KIRREL3: variants seen among roughly 807,000 people sequenced by gnomAD.
KIRREL3 encodes the protein kirre like nephrin family adhesion molecule 3, also known as kin of IRRE-like protein 3.
Under a neutral mutation model 89.7 loss-of-function variants are expected in KIRREL3, and 36 were observed. The observed-to-expected ratio is 0.40, with a 90% CI of 0.31 to 0.53. KIRREL3 has a LOEUF of 0.53. Among genes scored for constraint, KIRREL3 ranks in the 20% least tolerant of loss-of-function variants. The pLI, the probability that KIRREL3 is intolerant of heterozygous loss-of-function variation, is 0.49. For synonymous variants in KIRREL3, 445 were observed against 441.4 expected (o/e 1.01, Z -0.10); for missense variants, 864 against 1,056.6 (o/e 0.82, Z 2.53).
chr11:127,000,793 C>G (rs575099645), upstream of KIRREL3: 95 of 483,932 alleles, frequency 2.0e-4, no homozygotes, highest in South Asian at 4.0e-3. This position sits in a 1 kb window ranked among gnomAD's most constrained non-coding sequence, Gnocchi z 7.1. Context: ...CCCAGGCACA[C>G]GGCTTCCTCA....
At chr11:126,449,230 T>A in intron 7 of KIRREL3, 73 bp from the exon 8 acceptor site, 1 of 1,547,480 alleles carries the variant, frequency 6.5e-7, no homozygotes, top group Non-Finnish European at 8.8e-7. Context: ...GACACATCCA[T>A]CCCATGGAAA....
Position 126,724,050 on chromosome 11 carries a change from A to G in KIRREL3, c.56-161138T>C, listed in dbSNP as rs1667249673. 6.6e-6 allele frequency among the ~76,000 whole-genome samples: 1 copy of G among 152,176 alleles called. No individual in the cohort carries two copies. The highest frequency in any genetic ancestry group is 6.5e-5 in the Admixed American group (1 of 15,268). ...AAAAGAGAAATGCTGAGGCTGTTCCATTTGAGCCTTTTTGTCTTGCTTGGC... is the reference window on the plus strand; with the variant it reads ...AAAAGAGAAATGCTGAGGCTGTTCCGTTTGAGCCTTTTTGTCTTGCTTGGC... On this transcript the variant is annotated intron_variant, in intron 1 of 16. Transcript: ENST00000525144. The surrounding 1 kb of genome is among the most constrained non-coding windows in gnomAD (Gnocchi z 4.3).
At chr11:126,738,630 T>A (rs1948882791) in intron 1 of KIRREL3, among the ~76,000 whole-genome samples, 1 of 152,210 alleles carries the variant, frequency 6.6e-6, no homozygotes, top group Admixed American at 6.5e-5. Context: ...TGGTTTCTCA[T>A]CTGCTGAGAA....
intron 7 of KIRREL3, among the ~76,000 whole-genome samples, chr11:126,453,859 C>T (rs1381011589): frequency 1.3e-5 from 2 of 152,140 alleles, no homozygotes; most frequent in African/African-American, 2.4e-5. Context: ...ACTAGTGAGT[C>T]TCTGCAGGGC....
In KIRREL3 at chr11:126,870,057, A is replaced by G. The variant is rs1592254788; in HGVS notation, c.55+130398T>C. 1.3e-5 allele frequency among the ~76,000 whole-genome samples: 2 copies of G among 152,326 alleles called. No homozygotes were observed. Among genetic ancestry groups the G allele is most frequent in the East Asian group, 3.9e-4 (2 of 5,184 alleles). ...CCTAAACAGTCCTCTAATCTTGAGT[A>G]AAGTTCATTGGGCCCATGTACAGCT... On this transcript the variant is annotated intron_variant, in intron 1 of 16. Transcript: ENST00000525144. This position sits in a 1 kb window ranked among gnomAD's most constrained non-coding sequence, Gnocchi z 4.4.
intron 2 of KIRREL3, among the ~76,000 whole-genome samples, chr11:126,533,249 G>A (rs1169537832): frequency 6.6e-6 from 1 of 152,096 alleles, no homozygotes; most frequent in East Asian, 1.9e-4. Context: ...CCACAGCACT[G>A]GCAGTGAGAA....
intron 1 of KIRREL3, among the ~76,000 whole-genome samples, chr11:126,964,216 C>T (rs1384716918): frequency 1.3e-5 from 2 of 152,148 alleles, no homozygotes; most frequent in Admixed American, 6.5e-5. Flanking sequence ...GATTCCAGCC[C>T]AGCTGATAGA....
At position 126,664,236 on chromosome 11, in the gene KIRREL3, A is replaced by AT. The variant is rs71985337; in HGVS notation, c.56-101325dup. On this transcript the variant is annotated intron_variant, in intron 1 of 16. Transcript: ENST00000525144. This position sits in a 1 kb window ranked among gnomAD's most constrained non-coding sequence, Gnocchi z 5.4. The stretch of plus-strand genomic sequence containing the variant: ...TCAGGCTTTTGCTGGGGCCATTAGC[A>AT]TTTTTTTTTTTTTTACCATCATTAT... Among the ~76,000 whole-genome samples the AT allele has an allele frequency of 0.056, 8,194 of 147,472 alleles. 305 individuals are homozygous for AT. The highest frequency in any genetic ancestry group is 0.1 in the African/African-American group (4,008 of 40,212).
At position 126,523,310 on chromosome 11, in the gene KIRREL3, C is replaced by A. The variant is rs1958653239; in HGVS notation, c.284-1846G>T. ...GGAGCTTGAAGGCCCCTCTCACCAC[C>A]ATAAGTGAAGGTTCTTCTGGAGGTG... On this transcript the variant is annotated intron_variant, in intron 3 of 16. Coordinates refer to ENST00000525144, the MANE Select transcript of KIRREL3 (RefSeq NM_032531.4). The surrounding 1 kb of genome is among the most constrained non-coding windows in gnomAD (Gnocchi z 4.9). Among the ~76,000 whole-genome samples, 1 of 152,138 alleles carries A rather than the reference C, an allele frequency of 6.6e-6. No homozygotes were observed. The highest frequency in any genetic ancestry group is 6.5e-5 in the Admixed American group (1 of 15,284).
At chr11:126,894,512 C>T (rs188025248) in intron 1 of KIRREL3, among the ~76,000 whole-genome samples, 89 of 117,706 alleles carry the variant, frequency 7.6e-4, no homozygotes, top group African/African-American at 2.7e-3. Flanking sequence ...AGTTCGAGAC[C>T]AGCCTGGGCA....
At position 126,761,901 on chromosome 11, in the gene KIRREL3, G is replaced by T. The variant is rs746356666; in HGVS notation, c.56-198989C>A. On this transcript the variant is annotated intron_variant, in intron 1 of 16. Transcript: ENST00000525144. This position sits in a 1 kb window ranked among gnomAD's most constrained non-coding sequence, Gnocchi z 4.4. ...CCTATAATTAAATATAGTTTGGGCT[G>T]GGTGAGGTGGCTCAAGCCTGTAATC... 1.8e-4 allele frequency among the ~76,000 whole-genome samples: 28 copies of T among 152,238 alleles called. No individual in the cohort carries two copies. Among genetic ancestry groups the T allele is most frequent in the Non-Finnish European group, 3.2e-4 (22 of 68,018 alleles).
At position 126,578,528 on chromosome 11, in the gene KIRREL3, G is replaced by T. The variant is rs191792656; in HGVS notation, c.56-15616C>A. Among the ~76,000 whole-genome samples, 2 of 152,202 alleles carry T rather than the reference G, an allele frequency of 1.3e-5. No homozygotes were observed. The highest frequency in any genetic ancestry group is 1.5e-5 in the Non-Finnish European group (1 of 68,036). The stretch of plus-strand genomic sequence containing the variant: ...ACGGGGTGAGAACTTGGGGTGTGGC[G>T]TGTCCCTGTGGGTGGACACATTGTG... On this transcript the variant is annotated intron_variant, in intron 1 of 16. Transcript: ENST00000525144. The surrounding 1 kb of genome is among the most constrained non-coding windows in gnomAD (Gnocchi z 4.9).
intron 1 of KIRREL3, among the ~76,000 whole-genome samples, chr11:126,885,287 T>A (rs1353456657): frequency 6.6e-6 from 1 of 152,212 alleles, no homozygotes; most frequent in Non-Finnish European, 1.5e-5. Context: ...GTGGGAAGCA[T>A]AAAATATCCC....
chr11:126,908,348 A>G lies in KIRREL3; in HGVS notation c.55+92107T>C, dbSNP rs1946670170. Among the ~76,000 whole-genome samples, 2 of 152,322 alleles carry G rather than the reference A, an allele frequency of 1.3e-5. No individual in the cohort carries two copies. The highest frequency in any genetic ancestry group is 1.9e-4 in the East Asian group (1 of 5,182). On this transcript the variant is annotated intron_variant, in intron 1 of 16. Transcript: ENST00000525144. This position sits in a 1 kb window ranked among gnomAD's most constrained non-coding sequence, Gnocchi z 4.2. The stretch of plus-strand genomic sequence containing the variant: ...GAGATCTTTATGATCATTTCGTCCA[A>G]CCAAAGCAAGGACTCCGAAGCAGGA...
At chr11:126,461,071 C>T (rs922266188) in intron 6 of KIRREL3, among the ~76,000 whole-genome samples, 4 of 152,232 alleles carry the variant, frequency 2.6e-5, no homozygotes, top group South Asian at 2.1e-4. Flanking sequence ...AGCTCTGATC[C>T]GTGGCCAGTC....
rs1050088610 is a variant in KIRREL3 at position 126,551,708 on chromosome 11, G to C, written c.133+11127C>G. Reference sequence around the variant, plus strand: ...CTCTGTTTCTCAGGCTGAGTGCAATGGTGTGACCTCGGCTCACTGCAACCT... The same window carrying C: ...CTCTGTTTCTCAGGCTGAGTGCAATCGTGTGACCTCGGCTCACTGCAACCT... On this transcript the variant is annotated intron_variant, in intron 2 of 16. Coordinates refer to ENST00000525144, the MANE Select transcript of KIRREL3 (RefSeq NM_032531.4). The surrounding 1 kb of genome is among the most constrained non-coding windows in gnomAD (Gnocchi z 4.9). 2.7e-5 allele frequency among the ~76,000 whole-genome samples: 4 copies of C among 147,696 alleles called. No individual in the cohort carries two copies. Among genetic ancestry groups the C allele is most frequent in the African/African-American group, 1.0e-4 (4 of 39,310 alleles).
At chr11:126,582,865 T>G (rs1941630499) in intron 1 of KIRREL3, among the ~76,000 whole-genome samples, 1 of 152,220 alleles carries the variant, frequency 6.6e-6, no homozygotes, top group African/African-American at 2.4e-5. Context: ...ACTGAAGAAG[T>G]ATTATCCTTA....
At chr11:126,450,991 ATG>A (rs1956080795) in intron 7 of KIRREL3, among the ~76,000 whole-genome samples, 1 of 124,938 alleles carries the variant, frequency 8.0e-6, no homozygotes, top group Non-Finnish European at 1.7e-5. Flanking sequence ...GCATGTGTCA[ATG>A]TGCATGTGTG....
chr11:126,574,098 C>A lies in KIRREL3; in HGVS notation c.56-11186G>T, dbSNP rs1941123405. 6.6e-6 allele frequency among the ~76,000 whole-genome samples: 1 copy of A among 152,224 alleles called. No homozygotes were observed. On this transcript the variant is annotated intron_variant, in intron 1 of 16. Coordinates refer to ENST00000525144, the MANE Select transcript of KIRREL3 (RefSeq NM_032531.4). This position sits in a 1 kb window ranked among gnomAD's most constrained non-coding sequence, Gnocchi z 5.3. ...GAACATCGGTTGCGGAATGTGGAAA[C>A]CAGGTTAACTGAGTATTATTGGCAA... is the stretch of plus-strand genomic sequence containing the variant.
Sources: gnomAD v4.1 joint callset for allele counts (sites outside exome capture counted in the v4.1 genomes callset) on GRCh38, gnomAD v4.1.1 for gene constraint, Gnocchi (gnomAD v3.1) non-coding constraint, MANE v1.5 for transcripts, NCBI Gene and HGNC (gene_info 2026-07-23, HGNC 2026-07-21) for gene names.